ZNF43: variants seen among roughly 807,000 people sequenced by gnomAD.
ZNF43 encodes zinc finger protein 39-like 1 (KOX 27).
Under a neutral mutation model 68.4 loss-of-function variants are expected in ZNF43, and 44 were observed. The ratio of observed to expected loss-of-function variants is 0.64; its 90% CI spans 0.51 to 0.83. The LOEUF (loss-of-function observed/expected upper bound fraction) is 0.83. ZNF43 is among the 40% of genes least tolerant of loss of function. The probability of loss-of-function intolerance (pLI) is 0.00; values close to 1 mark genes in which losing one functional copy is unlikely to be tolerated. For missense variants in ZNF43, 896 were observed against 933.2 expected (o/e 0.96, Z 0.52); for synonymous variants, 308 against 307.8 (o/e 1.00, Z -0.01).
upstream of ZNF43, among the ~76,000 whole-genome samples, chr19:21,839,331 C>CAAAAAAAAAAAAAAAAAAAAAAAA (rs61335194): frequency 3.5e-5 from 1 of 28,300 alleles, no homozygotes; most frequent in Non-Finnish European, 7.0e-5. Context: ...AGAGATCAGG[C>CAAAAAAAAAAAAAAAAAAAAAAAA]AAAAAAAAAA....
Position 21,808,553 on chromosome 19 carries a change from G to C in ZNF43, c.1484C>G (p.Ser495Ter), listed in dbSNP as rs199705979. 6 of 1,613,344 alleles carry C rather than the reference G, an allele frequency of 3.7e-6. No homozygotes were observed. The highest frequency in any genetic ancestry group is 4.2e-6 in the Non-Finnish European group (5 of 1,179,846). The change falls in exon 4 of 4, where the codon TCA becomes TGA. Residue 495 changes from serine (S) to a stop codon, truncating the protein, a stop_gained. Transcript: ENST00000354959. LOFTEE classifies it high-confidence loss of function. ...EECGKAFSRS[S>*]NLTKHKKIHI... ...AATTTTCTTATGTTTAGTAAGGTTT[G>C]AGGACCGGCTAAAAGCTTTGCCACA...
At chr19:21,842,421 AAC>A (rs1967609142) in intron 1 of ZNF43, among the ~76,000 whole-genome samples, 1 of 151,400 alleles carries the variant, frequency 6.6e-6, no homozygotes, top group African/African-American at 2.4e-5. Context: ...AAAAAAAAAA[AAC>A]AATAAAATAA....
rs1178630100 is a variant in ZNF43, at chr19:21,807,093, T to G, written c.*514A>C. 1 of 152,240 alleles carries G rather than the reference T, an allele frequency of 6.6e-6. No individual in the cohort carries two copies. Among genetic ancestry groups the G allele is most frequent in the East Asian group, 1.9e-4 (1 of 5,206 alleles). The allele number at this position is 152,240 out of a possible 1,614,324, so 9.4% of individuals were successfully genotyped here. A position where few individuals can be genotyped will look rare whatever the true frequency, so the allele number is the denominator to read the frequency against. Reference sequence around the variant, plus strand: ...ATAAGCTGTAGTTTTTCAAAACTGTTTTTACAAATTTATTACATTTTCCAG... The same window carrying G: ...ATAAGCTGTAGTTTTTCAAAACTGTGTTTACAAATTTATTACATTTTCCAG... On this transcript the variant is annotated 3_prime_UTR_variant, in exon 4 of 4. Transcript: ENST00000354959.
chr19:21,837,565 C>T (rs950029939), upstream of ZNF43, among the ~76,000 whole-genome samples: 4 of 151,934 alleles, frequency 2.6e-5, no homozygotes, highest in Non-Finnish European at 4.4e-5. Flanking sequence ...GCTGGGGATA[C>T]AGGTGCATGA....
At chr19:21,843,360 T>C in intron 1 of ZNF43, 1 of 985,222 alleles carries the variant, frequency 1.0e-6, no homozygotes, top group Non-Finnish European at 1.2e-6. Flanking sequence ...ATAAAACAGT[T>C]CTTCACGTGT....
intron 3 of ZNF43, among the ~76,000 whole-genome samples, chr19:21,811,177 A>G (rs964880176): frequency 2.0e-5 from 3 of 152,190 alleles, no homozygotes; most frequent in African/African-American, 7.2e-5. Context: ...TAATCTCTAC[A>G]TAAAATTCAA....
chr19:21,812,336 G>A (rs2457772), intron 3 of ZNF43, among the ~76,000 whole-genome samples: 7,409 of 151,874 alleles, frequency 0.049, 377 homozygotes, highest in African/African-American at 0.13. Flanking sequence ...CCATGGTCTC[G>A]ATCTCCTGAC....
chr19:21,808,303 G>T lies in ZNF43; in HGVS notation c.1734C>A (p.Ser578=). Residue 578 remains serine (S), a synonymous_variant, in exon 4 of 4, where the codon TCC becomes TCA. Transcript: ENST00000354959. ...CEECGKAFTQ[S]SNLTTHKKIH... is the part of the protein sequence containing the mutation. The stretch of plus-strand genomic sequence containing the variant: ...TTTTCTTATGTGTAGTAAGGTTTGA[G>T]GATTGGGTAAAAGCTTTGCCACATT... The T allele has an allele frequency of 1.2e-6, 2 of 1,613,018 alleles. No individual in the cohort carries two copies. Among genetic ancestry groups the T allele is most frequent in the Non-Finnish European group, 1.7e-6 (2 of 1,179,766 alleles).
intron 1 of ZNF43, among the ~76,000 whole-genome samples, chr19:21,833,601 T>C (rs1012675697): frequency 6.6e-6 from 1 of 151,878 alleles, no homozygotes; most frequent in Non-Finnish European, 1.5e-5. Context: ...GCCATGGTGG[T>C]TATCTTGGTT....
rs1013870114 is a variant in ZNF43 at position 21,812,220 on chromosome 19, G to A, written c.230-2413C>T. On this transcript the variant is annotated intron_variant, in intron 3 of 3. Transcript: ENST00000354959. Reference sequence around the variant, plus strand: ...CAGCTCACTGCACACTCCATCTCCCGGGTTCACACCATTCTCCTGTCTCGG... The same window carrying A: ...CAGCTCACTGCACACTCCATCTCCCAGGTTCACACCATTCTCCTGTCTCGG... Among the ~76,000 whole-genome samples the A allele has an allele frequency of 4.6e-5, 7 of 151,864 alleles. No individual in the cohort carries two copies. In the South Asian group the frequency reaches 8.3e-4, roughly 18 times the overall value.
intron 1 of ZNF43, among the ~76,000 whole-genome samples, chr19:21,845,968 T>A (rs1207048702): frequency 6.6e-6 from 1 of 150,552 alleles, no homozygotes; most frequent in African/African-American, 2.4e-5. Context: ...CAGTGATACA[T>A]CTAAATCTTT....
rs748028937 is a variant in ZNF43 at position 21,809,126 on chromosome 19, T to C, written c.911A>G (p.His304Arg). The C allele has an allele frequency of 3.1e-6, 5 of 1,613,668 alleles. No individual in the cohort carries two copies. In the South Asian group the frequency reaches 4.4e-5, roughly 14 times the overall value. ...TTTCTCTCCAGGATGAATTTTCTTA[T>C]GTTCAGTAAGGTTTGAGGATTGGTT... ...AFNQSSNLTE[H>R]KKIHPGEKPY... The change falls in exon 4 of 4, where the codon CAT (histidine) becomes CGT (arginine). Residue 304 changes from histidine (H) to arginine (R), a missense_variant. By Grantham distance (29) the His-to-Arg change is conservative (BLOSUM62 0). Transcript: ENST00000354959.
chr19:21,833,621 A>G (rs928197039), intron 1 of ZNF43, among the ~76,000 whole-genome samples: 54 of 151,944 alleles, frequency 3.6e-4, no homozygotes, highest in Non-Finnish European at 8.8e-5. Context: ...TTATCCCTAG[A>G]CAGTACTGAA....
chr19:21,819,586 C>A (rs1288781994), intron 1 of ZNF43, among the ~76,000 whole-genome samples: 1 of 151,986 alleles, frequency 6.6e-6, no homozygotes, highest in Non-Finnish European at 1.5e-5. Context: ...TTAGAAGGGA[C>A]CTTTAAAATA....
intron 1 of ZNF43, among the ~76,000 whole-genome samples, chr19:21,824,386 A>T (rs2038007673): frequency 6.6e-6 from 1 of 152,168 alleles, no homozygotes; most frequent in African/African-American, 2.4e-5. Context: ...ACACTTACAG[A>T]TTCTGCCATT....
chr19:21,837,109 C>T (rs1967159915), upstream of ZNF43, among the ~76,000 whole-genome samples: 1 of 152,088 alleles, frequency 6.6e-6, no homozygotes, highest in Non-Finnish European at 1.5e-5. Flanking sequence ...GATAGTATTC[C>T]ATTTTCATAA....
chr19:21,816,282 T>C (rs1252752643), intron 3 of ZNF43, among the ~76,000 whole-genome samples: 1 of 152,088 alleles, frequency 6.6e-6, no homozygotes, highest in African/African-American at 2.4e-5. Flanking sequence ...GGAGAATTGC[T>C]TCAGGTCAGG....
chr19:21,839,334 A>G (rs1967344193), upstream of ZNF43, among the ~76,000 whole-genome samples: 1 of 143,014 alleles, frequency 7.0e-6, no homozygotes, highest in Admixed American at 6.9e-5. Flanking sequence ...GATCAGGCAA[A>G]AAAAAAAAAA....
chr19:21,832,870 A>C (rs1488878126), intron 1 of ZNF43, among the ~76,000 whole-genome samples: 2 of 137,754 alleles, frequency 1.5e-5, no homozygotes, highest in Non-Finnish European at 3.1e-5. Context: ...TGTCAATTGA[A>C]AAAAAAAAAT....
Sources: gnomAD v4.1 joint callset for allele counts (sites outside exome capture counted in the v4.1 genomes callset) on GRCh38, gnomAD v4.1.1 for gene constraint, MANE v1.5 for transcripts, NCBI Gene and HGNC (gene_info 2026-07-23, HGNC 2026-07-21) for gene names.